ADRA1A: variants seen among roughly 807,000 people sequenced by gnomAD.
ADRA1A encodes alpha-1A adrenergic receptor.
ADRA1A carries 31 observed loss-of-function variants against 29.6 expected under a neutral mutation model. The ratio of observed to expected loss-of-function variants is 1.05; its 90% CI spans 0.79 to 1.41. ADRA1A has a LOEUF of 1.41. ADRA1A is among the 40% of genes most tolerant of loss of function. ADRA1A has a pLI of 0.00. For missense variants in ADRA1A, 619 were observed against 601.1 expected (o/e 1.03, Z -0.31); for synonymous variants, 311 against 254.3 (o/e 1.22, Z -2.12).
chr8:26,828,302 A>T (rs1380181947), intron 2 of ADRA1A, among the ~76,000 whole-genome samples: 1 of 152,162 alleles, frequency 6.6e-6, no homozygotes, highest in Non-Finnish European at 1.5e-5. Context: ...TCTTTTGTCG[A>T]GAATAAAGAT....
intron 2 of ADRA1A, among the ~76,000 whole-genome samples, chr8:26,836,553 A>C (rs1563293401): frequency 6.6e-6 from 1 of 152,232 alleles, no homozygotes; most frequent in Non-Finnish European, 1.5e-5. Flanking sequence ...CCTAGTGTGA[A>C]TATTTCCACA....
chr8:26,850,551 A>T (rs993333446), intron 2 of ADRA1A, among the ~76,000 whole-genome samples: 1 of 152,220 alleles, frequency 6.6e-6, no homozygotes, highest in Non-Finnish European at 1.5e-5. Context: ...GATGCAGTGC[A>T]GTGTGGAAAT....
chr8:26,789,892 A>T (rs1441546255), intron 2 of ADRA1A, among the ~76,000 whole-genome samples: 1 of 152,202 alleles, frequency 6.6e-6, no homozygotes, highest in Non-Finnish European at 1.5e-5. Context: ...TGCAAATCCA[A>T]ACCACAATGA....
chr8:26,823,844 AACCCCAC>A lies in ADRA1A; in HGVS notation c.883+40236_883+40242del, dbSNP rs1810352882. Among the ~76,000 whole-genome samples the A allele has an allele frequency of 6.6e-6, 1 of 152,218 alleles. No homozygotes were observed. Among genetic ancestry groups the A allele is most frequent in the Non-Finnish European group, 1.5e-5 (1 of 68,042 alleles). ...TACCATAAGACTATGGCTTGGTCAA[AACCCCAC>A]AATATAGTAAGACAGCGGCAGAATT... On this transcript the variant is annotated intron_variant, in intron 2 of 2. Transcript: ENST00000380573. The surrounding 1 kb of genome is among the most constrained non-coding windows in gnomAD (Gnocchi z 4.2).
chr8:26,864,665 C>T lies in ADRA1A; in HGVS notation c.305G>A (p.Trp102Ter). The T allele has an allele frequency of 1.2e-6, 2 of 1,614,160 alleles. No homozygotes were observed. Among genetic ancestry groups the T allele is most frequent in the Non-Finnish European group, 1.7e-6 (2 of 1,180,032 alleles). ...GCAGCACAGCACATCCACTGCCGCCCAGATGTTGCAGAAGACCCTGCCGAA... is the reference window on the plus strand; with the variant it reads ...GCAGCACAGCACATCCACTGCCGCCTAGATGTTGCAGAAGACCCTGCCGAA... ...WAFGRVFCNIWAAVDVLCCTA... is the reference protein window; with the variant it reads ...WAFGRVFCNI The change falls in exon 2 of 3, where the codon TGG (tryptophan) becomes TAG (stop). Residue 102 changes from tryptophan (W) to a stop codon, truncating the protein, a stop_gained. Transcript: ENST00000380573. LOFTEE classifies it high-confidence loss of function. The surrounding 1 kb of genome is among the most constrained non-coding windows in gnomAD (Gnocchi z 8.1).
chr8:26,818,826 C>T (rs977206253), intron 2 of ADRA1A, among the ~76,000 whole-genome samples: 3 of 151,966 alleles, frequency 2.0e-5, no homozygotes, highest in Non-Finnish European at 2.9e-5. Context: ...TGAAGAAAGA[C>T]TCCAGGATTT....
downstream of ADRA1A, among the ~76,000 whole-genome samples, chr8:26,756,120 G>A (rs73558225): frequency 2.2e-3 from 337 of 152,214 alleles, 1 homozygote; most frequent in African/African-American, 7.2e-3. Context: ...AACATACTTC[G>A]ATATGCACTT....
chr8:26,761,493 A>T (rs564153635), downstream of ADRA1A, among the ~76,000 whole-genome samples: 8 of 152,228 alleles, frequency 5.3e-5, no homozygotes, highest in Non-Finnish European at 1.2e-4. Flanking sequence ...CCCAAATCCA[A>T]TAAAACCGGT....
intron 2 of ADRA1A, among the ~76,000 whole-genome samples, chr8:26,778,227 G>A (rs10086077): frequency 0.13 from 19,952 of 152,146 alleles, 1,367 homozygotes; most frequent in Middle Eastern, 0.23. Context: ...CCATAAGAAC[G>A]CTGGAAAGAG....
intron 2 of ADRA1A, among the ~76,000 whole-genome samples, chr8:26,853,169 T>C (rs1812761627): frequency 6.6e-6 from 1 of 152,138 alleles, no homozygotes; most frequent in Admixed American, 6.5e-5. Flanking sequence ...ATCTGTATAG[T>C]TTTGTAAACT....
At chr8:26,810,060 T>C (rs1809272529) in intron 2 of ADRA1A, among the ~76,000 whole-genome samples, 1 of 152,248 alleles carries the variant, frequency 6.6e-6, no homozygotes, top group Non-Finnish European at 1.5e-5. Context: ...TATTACTTCC[T>C]GCCTTTCTTT....
At chr8:26,791,451 G>T (rs754875345) in intron 2 of ADRA1A, among the ~76,000 whole-genome samples, 3 of 152,120 alleles carry the variant, frequency 2.0e-5, no homozygotes, top group Non-Finnish European at 2.9e-5. Flanking sequence ...ATGACAGTAT[G>T]GCGATGATGA....
rs556281351 is a variant in ADRA1A at position 26,858,977 on chromosome 8, G to A, written c.883+5110C>T. 6 of 1,099,374 alleles carry A rather than the reference G, an allele frequency of 5.5e-6. No homozygotes were observed. The African/African-American group carries it at 6.5e-5, about 12-fold the overall frequency. The allele number at this position is 1,099,374 out of a possible 1,614,324, so 68.1% of individuals were successfully genotyped here. A position where few individuals can be genotyped will look rare whatever the true frequency, so the allele number is the denominator to read the frequency against. ...GGAAAGAAGCTTGGGAAAAGGGAAC[G>A]TGAGACTTCTCACAATATACAGGAA... On this transcript the variant is annotated intron_variant, in intron 2 of 2. Coordinates refer to ENST00000380573, the MANE Select transcript of ADRA1A (RefSeq NM_000680.4).
chr8:26,780,487 A>G (rs542800279), intron 2 of ADRA1A, among the ~76,000 whole-genome samples: 12 of 152,160 alleles, frequency 7.9e-5, no homozygotes, highest in African/African-American at 2.9e-4. Context: ...ATCTACTCAA[A>G]CTTGAATTTG....
rs1335545488 is a variant in ADRA1A, at chr8:26,823,803, G to A, written c.883+40284C>T. 6.6e-6 allele frequency among the ~76,000 whole-genome samples: 1 copy of A among 152,154 alleles called. No individual in the cohort carries two copies. The highest frequency in any genetic ancestry group is 2.4e-5 in the African/African-American group (1 of 41,428). On this transcript the variant is annotated intron_variant, in intron 2 of 2. Transcript: ENST00000380573. The surrounding 1 kb of genome is among the most constrained non-coding windows in gnomAD (Gnocchi z 4.2). ...TGTGTGTTATAATTATAGTTGTCAA[G>A]GTGAAGAACCCGAGGTACCATAAGA...
chr8:26,823,632 G>T lies in ADRA1A; in HGVS notation c.883+40455C>A, dbSNP rs114282294. On this transcript the variant is annotated intron_variant, in intron 2 of 2. Transcript: ENST00000380573. This position sits in a 1 kb window ranked among gnomAD's most constrained non-coding sequence, Gnocchi z 4.2. ...CATATTTGTGTCACCACCTATCTAAGTGGCACCAGGAAGCCCACCTTCCTT... is the reference window on the plus strand; with the variant it reads ...CATATTTGTGTCACCACCTATCTAATTGGCACCAGGAAGCCCACCTTCCTT... Among the ~76,000 whole-genome samples, 1,238 of 152,260 alleles carry T rather than the reference G, an allele frequency of 8.1e-3. 13 individuals are homozygous for T. Among genetic ancestry groups the T allele is most frequent in the African/African-American group, 0.028 (1,145 of 41,542 alleles).
At chr8:26,753,415 C>T (rs796880065), downstream of ADRA1A, among the ~76,000 whole-genome samples, 75 of 150,966 alleles carry the variant, frequency 5.0e-4, 1 homozygote, top group African/African-American at 1.7e-3. Context: ...CCAATCTACC[C>T]TATTTATTGT....
chr8:26,846,978 C>A (rs1004201880), intron 2 of ADRA1A, among the ~76,000 whole-genome samples: 12 of 151,988 alleles, frequency 7.9e-5, no homozygotes, highest in African/African-American at 1.2e-4. Flanking sequence ...AACAAAAAAC[C>A]AAACACTGCA....
chr8:26,788,094 G>A (rs1280081509), intron 2 of ADRA1A, among the ~76,000 whole-genome samples: 1 of 152,118 alleles, frequency 6.6e-6, no homozygotes, highest in African/African-American at 2.4e-5. Flanking sequence ...TATTCAGAGT[G>A]CTGGGGAAAA....
Sources: allele counts gnomAD v4.1 joint callset (sites outside exome capture counted in the v4.1 genomes callset), GRCh38; gene constraint gnomAD v4.1.1; non-coding constraint Gnocchi (gnomAD v3.1); transcripts MANE v1.5; gene names NCBI Gene and HGNC (gene_info 2026-07-23, HGNC 2026-07-21).